RASGRF1: variants seen among roughly 807,000 people sequenced by gnomAD.
The protein encoded by RASGRF1 is ras-specific guanine nucleotide-releasing factor 1.
In RASGRF1, 40 loss-of-function variants were observed where a neutral mutation model predicts 138.7. The ratio of observed to expected loss-of-function variants is 0.29; its 90% CI spans 0.22 to 0.38. The LOEUF is 0.38. Among genes scored for constraint, RASGRF1 ranks in the 10% least tolerant of loss-of-function variants. RASGRF1 has a pLI of 1.00. For synonymous variants in RASGRF1, 614 were observed against 663.2 expected (o/e 0.93, Z 1.14); for missense variants, 1,108 against 1,650.4 (o/e 0.67, Z 5.69).
intron 1 of RASGRF1, among the ~76,000 whole-genome samples, chr15:79,069,760 A>C (rs907254239): frequency 6.6e-6 from 1 of 152,218 alleles, no homozygotes; most frequent in African/African-American, 2.4e-5. Context: ...TGGGTCCTTG[A>C]GGTGCCTGGG....
intron 20 of RASGRF1, among the ~76,000 whole-genome samples, chr15:78,993,161 G>C (rs1595878759): frequency 7.2e-6 from 1 of 138,408 alleles, no homozygotes; most frequent in East Asian, 2.1e-4. Flanking sequence ...TGTGCCTGTG[G>C]GTGATGTGTG....
At chr15:79,000,195 C>T (rs2056490597) in intron 16 of RASGRF1, among the ~76,000 whole-genome samples, 1 of 152,228 alleles carries the variant, frequency 6.6e-6, no homozygotes, top group South Asian at 2.1e-4. Flanking sequence ...CTTTCTGCAG[C>T]TCTCAACCCC....
intron 5 of RASGRF1, among the ~76,000 whole-genome samples, chr15:79,040,669 C>G (rs961271070): frequency 3.7e-5 from 5 of 135,694 alleles, no homozygotes; most frequent in Non-Finnish European, 8.1e-5. Context: ...GAGAGAGAGT[C>G]TGTACACACA....
chr15:79,081,799 C>CA (rs2057917596), intron 1 of RASGRF1, among the ~76,000 whole-genome samples: 1 of 152,206 alleles, frequency 6.6e-6, no homozygotes, highest in African/African-American at 2.4e-5. Flanking sequence ...CCTGGCCCCT[C>CA]AGAGGTACTG....
At chr15:78,968,419 G>C (rs1230664531) in intron 26 of RASGRF1, among the ~76,000 whole-genome samples, 1 of 151,878 alleles carries the variant, frequency 6.6e-6, no homozygotes, top group African/African-American at 2.4e-5. Context: ...CTACAGGCGT[G>C]CACCACCATG....
intron 12 of RASGRF1, among the ~76,000 whole-genome samples, chr15:79,015,676 A>G (rs888946469): frequency 3.3e-5 from 5 of 152,206 alleles, no homozygotes; most frequent in Admixed American, 6.5e-5. Context: ...AATGACTTCT[A>G]CCTCACTGGG....
intron 13 of RASGRF1, among the ~76,000 whole-genome samples, chr15:79,008,843 C>T (rs1053721518): frequency 9.2e-5 from 14 of 152,162 alleles, no homozygotes; most frequent in African/African-American, 3.1e-4. Flanking sequence ...CCCCTGACTC[C>T]GTGACGATGT....
Position 78,999,923 on chromosome 15 carries a change from G to A in RASGRF1, c.2576-10C>T. The A allele has an allele frequency of 1.2e-6, 2 of 1,612,758 alleles. No individual in the cohort carries two copies. The highest frequency in any genetic ancestry group is 1.7e-6 in the Non-Finnish European group (2 of 1,178,850). ...GAAAAGAGTGGGAACTCTGCAGAGA[G>A]GAGGGAACCAACCCTCAGCTGTCCC... On this transcript the variant is annotated splice_polypyrimidine_tract_variant and intron_variant, in intron 16 of 26. Coordinates refer to ENST00000558480, the MANE Select transcript of RASGRF1 (RefSeq NM_001145648.3).
intron 5 of RASGRF1, among the ~76,000 whole-genome samples, chr15:79,036,913 C>T (rs548037803): frequency 3.3e-5 from 5 of 152,150 alleles, no homozygotes; most frequent in Admixed American, 3.3e-4. Flanking sequence ...CTGAGAAAGA[C>T]CGAAACCAAT....
At chr15:79,002,153 T>TTA (rs2056543821) in intron 15 of RASGRF1, among the ~76,000 whole-genome samples, 1 of 152,054 alleles carries the variant, frequency 6.6e-6, no homozygotes, top group South Asian at 2.1e-4. Flanking sequence ...GGACCACACT[T>TTA]TGAGTTACAC....
chr15:79,051,268 CA>C (rs2057426624), intron 3 of RASGRF1, among the ~76,000 whole-genome samples: 1 of 152,214 alleles, frequency 6.6e-6, no homozygotes, highest in Non-Finnish European at 1.5e-5. Context: ...ACCCGCTCTC[CA>C]CTCCCTGGTT....
At chr15:79,037,710 C>T (rs553726161) in intron 5 of RASGRF1, among the ~76,000 whole-genome samples, 10 of 152,104 alleles carry the variant, frequency 6.6e-5, no homozygotes, top group South Asian at 2.1e-4. Flanking sequence ...CCACCTGCCT[C>T]GGCCTCTCAA....
At position 79,031,415 on chromosome 15, in the gene RASGRF1, AG is replaced by A; in HGVS notation, c.1246del (p.Leu416TrpfsTer7). On this transcript the variant is annotated frameshift_variant, in exon 8 of 27. Transcript: ENST00000558480. LOFTEE classifies it high-confidence loss of function. ...RNSLDYAKSK[L>X]EELSRIMHDE... ...CAGGCCTCACCTGGACAGCTCCTCC[AG>A]TTTGGACTTGGCGTAGTCCAGGCTG... is the stretch of plus-strand genomic sequence containing the variant. 1 of 1,610,014 alleles carries A rather than the reference AG, an allele frequency of 6.2e-7. No individual in the cohort carries two copies. Among genetic ancestry groups the A allele is most frequent in the Non-Finnish European group, 8.5e-7 (1 of 1,177,824 alleles).
At chr15:78,983,091 G>C (rs527278232) in intron 23 of RASGRF1, among the ~76,000 whole-genome samples, 24 of 152,188 alleles carry the variant, frequency 1.6e-4, no homozygotes, top group Non-Finnish European at 3.4e-4. Context: ...AAGAAACGTG[G>C]CCATTTTAGA....
rs1363675865 is a variant in RASGRF1 at position 79,003,960 on chromosome 15, T to C, written c.2291A>G (p.Asn764Ser). Residue 764 changes from asparagine to serine, a missense_variant, in exon 15 of 27, where the codon AAT becomes AGT. This residue lies in a region of RASGRF1 where 686 missense variants were observed against 976.7 expected (regional missense o/e 0.70). Transcript: ENST00000558480. ...GGCCGAGTACATGCTGGTGTAGCCATTGGAGTTGCAGCTGAGGGCGGCCAG... is the reference window on the plus strand; with the variant it reads ...GGCCGAGTACATGCTGGTGTAGCCACTGGAGTTGCAGCTGAGGGCGGCCAG... Reference protein sequence around the residue: ...LDLAALSCNSNGYTSMYSAMS... With the variant: ...LDLAALSCNSSGYTSMYSAMS... 20 of 1,613,876 alleles carry C rather than the reference T, an allele frequency of 1.2e-5. No homozygotes were observed. The highest frequency in any genetic ancestry group is 2.2e-5 in the South Asian group (2 of 91,068).
chr15:79,027,726 G>T lies in RASGRF1; in HGVS notation c.1381+15C>A. ...ACCTGGTGGGGGCAGGGGAGACAGGGTGCAGAGGCCATACCTTGTCTCACA... is the reference window on the plus strand; with the variant it reads ...ACCTGGTGGGGGCAGGGGAGACAGGTTGCAGAGGCCATACCTTGTCTCACA... On this transcript the variant is annotated intron_variant, in intron 9 of 26. Transcript: ENST00000558480. This position sits in a 1 kb window ranked among gnomAD's most constrained non-coding sequence, Gnocchi z 4.8. The T allele has an allele frequency of 1.9e-6, 3 of 1,612,960 alleles. No homozygotes were observed. Among genetic ancestry groups the T allele is most frequent in the Non-Finnish European group, 2.5e-6 (3 of 1,178,892 alleles).
intron 24 of RASGRF1, among the ~76,000 whole-genome samples, chr15:78,976,160 C>T (rs1452739142): frequency 1.3e-5 from 2 of 152,002 alleles, no homozygotes; most frequent in East Asian, 1.9e-4. Context: ...CACTGAGGGT[C>T]GACTTCCCCT....
At chr15:79,052,925 C>G (rs1320299815) in intron 3 of RASGRF1, among the ~76,000 whole-genome samples, 1 of 152,032 alleles carries the variant, frequency 6.6e-6, no homozygotes, top group Non-Finnish European at 1.5e-5. Flanking sequence ...CCAGAGCAGT[C>G]TTCTATCTAT....
chr15:79,059,820 T>A (rs979494570), intron 2 of RASGRF1, among the ~76,000 whole-genome samples: 1 of 150,304 alleles, frequency 6.7e-6, no homozygotes, highest in African/African-American at 2.5e-5. Flanking sequence ...TGTCTCTACA[T>A]GATATTAATA....
Sources: gnomAD v4.1 joint callset for allele counts (sites outside exome capture counted in the v4.1 genomes callset) on GRCh38, gnomAD v4.1.1 for gene constraint, gnomAD v4.1.1 regional missense constraint, Gnocchi (gnomAD v3.1) non-coding constraint, MANE v1.5 for transcripts, NCBI Gene and HGNC (gene_info 2026-07-23, HGNC 2026-07-21) for gene names.